NBAS: variants seen among roughly 807,000 people sequenced by gnomAD.
NBAS encodes NBAS subunit of NRZ tethering complex.
A neutral mutation model predicts 302.5 loss-of-function variants in NBAS; 219 were observed. That is an observed-to-expected ratio of 0.72 (90% CI 0.65 to 0.81). The LOEUF (loss-of-function observed/expected upper bound fraction) is 0.81. Among genes scored for constraint, NBAS ranks in the 30% least tolerant of loss-of-function variants. The probability of loss-of-function intolerance (pLI) is 0.00; values close to 1 mark genes in which losing one functional copy is unlikely to be tolerated. For synonymous variants in NBAS, 1,118 were observed against 1,021.6 expected (o/e 1.09, Z -1.80); for missense variants, 2,932 against 2,841.6 (o/e 1.03, Z -0.72).
At position 15,229,347 on chromosome 2, in the gene NBAS, C is replaced by CAA. The variant is rs61152926; in HGVS notation, c.6236+3073_6236+3074dup. ...CACTGCAAGACTCTGTCTCAAAAAA[C>CAA]AAAAAAAAAAAAAAAAAAAAAAAAA... On this transcript the variant is annotated intron_variant, in intron 47 of 51. Coordinates refer to ENST00000281513, the MANE Select transcript of NBAS (RefSeq NM_015909.4). 3.0e-3 allele frequency among the ~76,000 whole-genome samples: 230 copies of CAA among 76,856 alleles called. 3 individuals are homozygous for CAA. Among genetic ancestry groups the CAA allele is most frequent in the African/African-American group, 8.2e-3 (187 of 22,812 alleles). The allele number at this position is 76,856 out of a possible 152,430, so 50.4% of individuals were successfully genotyped here. A position where few individuals can be genotyped will look rare whatever the true frequency, so the allele number is the denominator to read the frequency against.
rs765802110 is a variant in NBAS, at chr2:15,537,594, C to T, written c.514-1043G>A. 9.2e-5 allele frequency among the ~76,000 whole-genome samples: 14 copies of T among 152,224 alleles called. No homozygotes were observed. In the East Asian group the frequency reaches 2.7e-3, roughly 29 times the overall value. On this transcript the variant is annotated intron_variant, in intron 7 of 51. Transcript: ENST00000281513. Reference sequence around the variant, plus strand: ...GGAGTCCAAGACCCAGCCTGGACAGCAAAGCAAGATTCTGTCTTTACAAAA... The same window carrying T: ...GGAGTCCAAGACCCAGCCTGGACAGTAAAGCAAGATTCTGTCTTTACAAAA...
chr2:14,955,898 G>T, the NBAS span, among the ~76,000 whole-genome samples: 18 of 152,204 alleles, frequency 1.2e-4, no homozygotes, highest in Admixed American at 1.1e-3. Context: ...TTTCCCCATT[G>T]CCTTGGGGAC....
At chr2:15,370,374 G>C (rs1384211668) in intron 31 of NBAS, among the ~76,000 whole-genome samples, 2 of 152,130 alleles carry the variant, frequency 1.3e-5, no homozygotes, top group Non-Finnish European at 2.9e-5. Flanking sequence ...ACTCACTGCA[G>C]ACTCAACCTC....
chr2:14,943,956 C>T, the NBAS span, among the ~76,000 whole-genome samples: 1 of 152,086 alleles, frequency 6.6e-6, no homozygotes, highest in Non-Finnish European at 1.5e-5. Flanking sequence ...CCCTGCTTCT[C>T]CAGGAAGCTA....
chr2:15,517,890 ACC>A (rs1475344045), intron 9 of NBAS, among the ~76,000 whole-genome samples: 1 of 152,166 alleles, frequency 6.6e-6, no homozygotes, highest in Admixed American at 6.5e-5. Context: ...CATACTGCTA[ACC>A]CAGGAAAAGA....
intron 9 of NBAS, among the ~76,000 whole-genome samples, chr2:15,530,338 A>G (rs1036581089): frequency 5.3e-5 from 8 of 152,118 alleles, no homozygotes; most frequent in African/African-American, 1.7e-4. Context: ...TAAAAGAACT[A>G]AAGAGAACTT....
At chr2:14,998,393 C>T in the NBAS span, among the ~76,000 whole-genome samples, 6 of 152,328 alleles carry the variant, frequency 3.9e-5, no homozygotes, top group African/African-American at 1.4e-4. Flanking sequence ...TCAACAATCT[C>T]TAGAGGCAAA....
chr2:14,853,394 A>G, the NBAS span, among the ~76,000 whole-genome samples: 1 of 85,732 alleles, frequency 1.2e-5, no homozygotes, highest in Non-Finnish European at 2.2e-5. Context: ...ACCAGTTAGA[A>G]TGGCAATCAT....
At chr2:15,504,027 T>A in intron 11 of NBAS, 118 bp downstream of exon 11, 1 of 787,326 alleles carries the variant, frequency 1.3e-6, no homozygotes, top group Non-Finnish European at 2.3e-6. Flanking sequence ...ACATAGTGTA[T>A]ATGAATACAC....
the NBAS span, among the ~76,000 whole-genome samples, chr2:14,850,137 T>C: frequency 6.7e-5 from 9 of 134,794 alleles, 3 homozygotes; most frequent in East Asian, 1.9e-4. Flanking sequence ...GACTGGCAAA[T>C]TGGATAAAGA....
At chr2:15,388,216 C>A (rs1675407227) in intron 28 of NBAS, among the ~76,000 whole-genome samples, 1 of 151,982 alleles carries the variant, frequency 6.6e-6, no homozygotes, top group Non-Finnish European at 1.5e-5. Context: ...CATATATATA[C>A]TTTTGCATAT....
At chr2:15,479,658 A>C (rs1680341489) in intron 12 of NBAS, among the ~76,000 whole-genome samples, 1 of 152,236 alleles carries the variant, frequency 6.6e-6, no homozygotes. Context: ...GAGAATTCAA[A>C]GTGTGCATGT....
chr2:15,199,054 G>A (rs567837810), intron 48 of NBAS, among the ~76,000 whole-genome samples: 2 of 150,048 alleles, frequency 1.3e-5, no homozygotes, highest in South Asian at 2.1e-4. Flanking sequence ...GTGAACCCAT[G>A]AGGCAGAGCT....
chr2:15,169,141 A>G (rs969303847), intron 51 of NBAS, among the ~76,000 whole-genome samples: 5 of 152,086 alleles, frequency 3.3e-5, no homozygotes, highest in African/African-American at 1.2e-4. Context: ...ATAGAACTAG[A>G]CTCCAGAACA....
intron 48 of NBAS, among the ~76,000 whole-genome samples, chr2:15,201,060 T>A (rs1038161623): frequency 6.6e-6 from 1 of 152,220 alleles, no homozygotes; most frequent in African/African-American, 2.4e-5. Flanking sequence ...ATATTCTTTT[T>A]AAGAAATGTT....
chr2:15,437,418 G>C (rs57185286), intron 21 of NBAS, among the ~76,000 whole-genome samples: 1,940 of 152,252 alleles, frequency 0.013, 31 homozygotes, highest in East Asian at 0.06. Flanking sequence ...AAGTCTATGT[G>C]AGCCTTTTAC....
At chr2:15,314,871 T>C (rs1671436564) in intron 38 of NBAS, among the ~76,000 whole-genome samples, 1 of 152,200 alleles carries the variant, frequency 6.6e-6, no homozygotes, top group African/African-American at 2.4e-5. Flanking sequence ...AACCTACGGA[T>C]GGATACAACA....
the NBAS span, among the ~76,000 whole-genome samples, chr2:15,099,410 C>T: frequency 6.6e-6 from 1 of 151,914 alleles, no homozygotes; most frequent in East Asian, 1.9e-4. Flanking sequence ...CTACAATGGA[C>T]ATATGTAATT....
chr2:15,426,403 C>T (rs1378430407), intron 22 of NBAS, among the ~76,000 whole-genome samples: 1 of 152,118 alleles, frequency 6.6e-6, no homozygotes, highest in Non-Finnish European at 1.5e-5. Context: ...TGAATTATTT[C>T]TTATAATTTC....
Sources: allele counts gnomAD v4.1 joint callset (sites outside exome capture counted in the v4.1 genomes callset), GRCh38; gene constraint gnomAD v4.1.1; transcripts MANE v1.5; gene names NCBI Gene and HGNC (gene_info 2026-07-23, HGNC 2026-07-21).